Variants in CNTN2 observed in about 807,000 individuals in gnomAD.
CNTN2 encodes contactin 2.
Under a neutral mutation model 117.5 loss-of-function variants are expected in CNTN2, and 53 were observed. The observed-to-expected ratio is 0.45, with a 90% CI of 0.36 to 0.57. The LOEUF (loss-of-function observed/expected upper bound fraction) is 0.57, where lower values mean the gene tolerates loss of function less well. CNTN2 is among the 20% of genes least tolerant of loss of function. CNTN2 has a pLI of 0.00. For synonymous variants in CNTN2, 530 were observed against 561.7 expected (o/e 0.94, Z 0.80); for missense variants, 1,106 against 1,404.3 (o/e 0.79, Z 3.39).
chr1:205,062,228 C>T, intron 9 of CNTN2: 1 of 818,888 alleles, frequency 1.2e-6, no homozygotes, highest in Non-Finnish European at 1.9e-6. Context: ...TGATGTGGTC[C>T]TGACTGGGTC....
At position 205,071,939 on chromosome 1, in the gene CNTN2, T is replaced by A. The variant is rs776809109; in HGVS notation, c.2545-8T>A. ...CTACTACCCCTTGGGTACCCCCGCC[T>A]CCTTCAGATCCGCTACTGGAAAGCT... On this transcript the variant is annotated splice_region_variant and splice_polypyrimidine_tract_variant and intron_variant, in intron 19 of 22. Coordinates refer to ENST00000331830, the MANE Select transcript of CNTN2 (RefSeq NM_005076.5). 6.2e-7 allele frequency: 1 copy of A among 1,606,920 alleles called. No homozygotes were observed. Among genetic ancestry groups the A allele is most frequent in the Non-Finnish European group, 8.5e-7 (1 of 1,176,928 alleles).
intron 1 of CNTN2, among the ~76,000 whole-genome samples, chr1:205,049,366 C>G (rs1422885989): frequency 6.6e-6 from 1 of 151,568 alleles, no homozygotes; most frequent in Non-Finnish European, 1.5e-5. Flanking sequence ...TACACAGACA[C>G]ATAGACACAT....
rs551080128 is a variant in CNTN2, at chr1:205,066,263, C to G, written c.1817-178C>G. The G allele has an allele frequency of 4.6e-4, 320 of 701,302 alleles. 3 individuals carry two copies. The East Asian group carries it at 8.4e-3, about 19-fold the overall frequency. The allele number at this position is 701,302 out of a possible 1,614,324, so 43.4% of individuals were successfully genotyped here. ...TGAGACACATCCCTCCACCCAACAA[C>G]TGGCACCCGCCCCAACTGCCCACAC... On this transcript the variant is annotated intron_variant, in intron 14 of 22. Transcript: ENST00000331830.
intron 7 of CNTN2, chr1:205,060,896 G>A: frequency 4.1e-6 from 1 of 245,608 alleles, no homozygotes; most frequent in East Asian, 8.3e-5. Flanking sequence ...TAAAGACCCA[G>A]GTCACAGGCC....
chr1:205,055,139 G>A (rs941503918), intron 2 of CNTN2, among the ~76,000 whole-genome samples: 12 of 152,098 alleles, frequency 7.9e-5, no homozygotes, highest in East Asian at 3.9e-4. Flanking sequence ...TCAACCTCCC[G>A]AGTAGCTGGG....
At position 205,064,735 on chromosome 1, in the gene CNTN2, A is replaced by G; in HGVS notation, c.1504A>G (p.Ile502Val). 1 of 1,614,062 alleles carries G rather than the reference A, an allele frequency of 6.2e-7. No individual in the cohort carries two copies. Among genetic ancestry groups the G allele is most frequent in the Non-Finnish European group, 8.5e-7 (1 of 1,180,000 alleles). The change falls in exon 12 of 23, where the codon ATC (isoleucine) becomes GTC (valine). Residue 502 changes from isoleucine (I) to valine (V), a missense_variant. Transcript: ENST00000331830. ...CATGGGCAAAGCCAACAGCACTGGA[A>G]TCCTATCTGTGCGAGGTGAGGGCTG... ...NFMGKANSTG[I>V]LSVRDATKIT...
chr1:205,073,603 G>T lies in CNTN2; in HGVS notation c.3014-53G>T, dbSNP rs1183687860. ...GGAAAGGTCTCAATCTTGCCACAAG[G>T]GTGGGGCTAGGGTAGTCCCAGGCCC... On this transcript the variant is annotated intron_variant, in intron 22 of 22. Coordinates refer to ENST00000331830, the MANE Select transcript of CNTN2 (RefSeq NM_005076.5). This position sits in a 1 kb window ranked among gnomAD's most constrained non-coding sequence, Gnocchi z 6.3. 16 of 1,510,410 alleles carry T rather than the reference G, an allele frequency of 1.1e-5. No homozygotes were observed. The highest frequency in any genetic ancestry group is 1.4e-5 in the Non-Finnish European group (15 of 1,096,458). 93.6% of individuals were successfully genotyped at this position (1,510,410 alleles called of 1,614,324 possible). A position where few individuals can be genotyped will look rare whatever the true frequency, so the allele number is the denominator to read the frequency against.
rs1654859807 is a variant in CNTN2 at position 205,076,276 on chromosome 1, T to G, written c.*2511T>G. 6.6e-6 allele frequency: 1 copy of G among 152,178 alleles called. No homozygotes were observed. Among genetic ancestry groups the G allele is most frequent in the Non-Finnish European group, 1.5e-5 (1 of 68,032 alleles). The allele number at this position is 152,178 out of a possible 1,614,324, so 9.4% of individuals were successfully genotyped here. ...TGTTCCTGCAGCCTGAGATTTCAGG[T>G]AGAGTACTGACTAAGGTTTAATAAG... is the stretch of plus-strand genomic sequence containing the variant. On this transcript the variant is annotated 3_prime_UTR_variant, in exon 23 of 23. Coordinates refer to ENST00000331830, the MANE Select transcript of CNTN2 (RefSeq NM_005076.5).
chr1:205,064,221 T>C (rs1437746511), intron 10 of CNTN2, 101 bp from the exon 11 acceptor site: 4 of 1,285,662 alleles, frequency 3.1e-6, no homozygotes, highest in African/African-American at 1.5e-5. Flanking sequence ...GAAGAGGTGC[T>C]AATAGGAGTC....
intron 15 of CNTN2, 130 bp from the exon 16 acceptor site, chr1:205,066,971 T>C (rs766491193): frequency 8.7e-7 from 1 of 1,155,434 alleles, no homozygotes; most frequent in Non-Finnish European, 1.2e-6. Flanking sequence ...AAAAAGGTAC[T>C]GAGTGCTTAG....
intron 14 of CNTN2, 87 bp from the exon 15 acceptor site, chr1:205,066,354 T>C: frequency 6.6e-7 from 1 of 1,508,500 alleles, no homozygotes; most frequent in Non-Finnish European, 9.0e-7. Context: ...CTTGGTACTG[T>C]ACCAGCTCAA....
At chr1:205,057,781 C>A in intron 2 of CNTN2, 140 bp from the exon 3 acceptor site, 2 of 928,658 alleles carry the variant, frequency 2.2e-6, no homozygotes, top group Non-Finnish European at 3.2e-6. Context: ...CCCTACGTGG[C>A]TAGTGGTTAC....
At position 205,059,377 on chromosome 1, in the gene CNTN2, G is replaced by A; in HGVS notation, c.697+84G>A. ...GAAAAGGGTTTTTCCTTTGGAGATTGGAAGATCAGCTTGCAGGGCACTGAT... is the reference window on the plus strand; with the variant it reads ...GAAAAGGGTTTTTCCTTTGGAGATTAGAAGATCAGCTTGCAGGGCACTGAT... On this transcript the variant is annotated intron_variant, in intron 6 of 22. Coordinates refer to ENST00000331830, the MANE Select transcript of CNTN2 (RefSeq NM_005076.5). The surrounding 1 kb of genome is among the most constrained non-coding windows in gnomAD (Gnocchi z 5.6). 2 of 1,392,968 alleles carry A rather than the reference G, an allele frequency of 1.4e-6. No homozygotes were observed. The highest frequency in any genetic ancestry group is 1.2e-5 in the South Asian group (1 of 81,000). The allele number at this position is 1,392,968 out of a possible 1,614,324, so 86.3% of individuals were successfully genotyped here.
In CNTN2 at chr1:205,061,830, G is replaced by A. The variant is rs769771561; in HGVS notation, c.974-35G>A. On this transcript the variant is annotated intron_variant, in intron 8 of 22. Coordinates refer to ENST00000331830, the MANE Select transcript of CNTN2 (RefSeq NM_005076.5). The surrounding 1 kb of genome is among the most constrained non-coding windows in gnomAD (Gnocchi z 4.8). The stretch of plus-strand genomic sequence containing the variant: ...TTTAATGAGCTGGAAGCTCCTCCTA[G>A]CTCATGCCAGGTTTTCTTTTCCGGG... 1.3e-6 allele frequency: 2 copies of A among 1,503,020 alleles called. No individual in the cohort carries two copies. The highest frequency in any genetic ancestry group is 4.6e-5 in the Admixed American group (2 of 43,468). 93.1% of individuals were successfully genotyped at this position (1,503,020 alleles called of 1,614,324 possible).
At position 205,077,772 on chromosome 1, in the gene CNTN2, G is replaced by A. The variant is rs1288053385; in HGVS notation, c.*4007G>A. 2.0e-5 allele frequency: 3 copies of A among 152,172 alleles called. No homozygotes were observed. Among genetic ancestry groups the A allele is most frequent in the African/African-American group, 4.8e-5 (2 of 41,410 alleles). The allele number at this position is 152,172 out of a possible 1,614,324, so 9.4% of individuals were successfully genotyped here. A position where few individuals can be genotyped will look rare whatever the true frequency, so the allele number is the denominator to read the frequency against. On this transcript the variant is annotated 3_prime_UTR_variant, in exon 23 of 23. Coordinates refer to ENST00000331830, the MANE Select transcript of CNTN2 (RefSeq NM_005076.5). ...CCTTAGATGGGATACATCTTGCCTC[G>A]GCCCCAAGACTCCTCCAACTTACCC...
At chr1:205,060,735 G>GA (rs972036392) in intron 7 of CNTN2, 1 of 141,700 alleles carries the variant, frequency 7.1e-6, no homozygotes, top group Non-Finnish European at 1.5e-5. Context: ...AAAAAAAAAA[G>GA]AAAAAAAAGA....
chr1:205,073,966 A>C lies in CNTN2; in HGVS notation c.*201A>C. On this transcript the variant is annotated 3_prime_UTR_variant, in exon 23 of 23. Transcript: ENST00000331830. This position sits in a 1 kb window ranked among gnomAD's most constrained non-coding sequence, Gnocchi z 6.3. ...TAGAACCCACGCAAGGATTTTCTTT[A>C]AATTGAGAGGCACCAGGCAGTAACT... The C allele has an allele frequency of 1.7e-6, 1 of 603,234 alleles. No homozygotes were observed. The highest frequency in any genetic ancestry group is 2.0e-5 in the South Asian group (1 of 50,150). 37.4% of individuals were successfully genotyped at this position (603,234 alleles called of 1,614,324 possible).
chr1:205,074,968 T>C lies in CNTN2; in HGVS notation c.*1203T>C, dbSNP rs577015932. ...GCCATCCTTTCCTGAGCTCTGGGTA[T>C]ACTACCAGTCACAGAACGTCAGAGC... On this transcript the variant is annotated 3_prime_UTR_variant, in exon 23 of 23. Coordinates refer to ENST00000331830, the MANE Select transcript of CNTN2 (RefSeq NM_005076.5). 2.5e-6 allele frequency: 1 copy of C among 398,506 alleles called. No homozygotes were observed. The highest frequency in any genetic ancestry group is 3.6e-5 in the East Asian group (1 of 28,076). 24.7% of individuals were successfully genotyped at this position (398,506 alleles called of 1,614,324 possible).
intron 1 of CNTN2, among the ~76,000 whole-genome samples, chr1:205,049,278 C>A (rs1444710742): frequency 7.7e-6 from 1 of 129,176 alleles, no homozygotes; most frequent in Non-Finnish European, 1.6e-5. Flanking sequence ...AGTCCTCACA[C>A]CCGACACACA....
Sources: gnomAD v4.1 joint callset for allele counts (sites outside exome capture counted in the v4.1 genomes callset) on GRCh38, gnomAD v4.1.1 for gene constraint, Gnocchi (gnomAD v3.1) non-coding constraint, MANE v1.5 for transcripts, NCBI Gene and HGNC (gene_info 2026-07-23, HGNC 2026-07-21) for gene names.